GNAO1: variants seen among roughly 807,000 people sequenced by gnomAD.
GNAO1 encodes guanine nucleotide-binding protein G(o) subunit alpha.
For missense variants in GNAO1, 166 were observed against 478.7 expected, an observed-to-expected ratio of 0.35 and a Z score of 6.10; for synonymous variants, 164 against 180.7, an observed-to-expected ratio of 0.91 and a Z score of 0.74.
intron 2 of GNAO1, among the ~76,000 whole-genome samples, chr16:56,232,600 T>C (rs1407658938): frequency 6.6e-6 from 1 of 152,190 alleles, no homozygotes; most frequent in Non-Finnish European, 1.5e-5. Flanking sequence ...CAGAACTCTT[T>C]TTGCATGAAA....
intron 2 of GNAO1, among the ~76,000 whole-genome samples, chr16:56,248,109 C>T (rs1168010293): frequency 6.6e-6 from 1 of 152,216 alleles, no homozygotes. Flanking sequence ...CTTTAGACAA[C>T]ACTAAGAAAA....
chr16:56,349,583 G>T (rs753718210), intron 6 of GNAO1, among the ~76,000 whole-genome samples: 1 of 152,228 alleles, frequency 6.6e-6, no homozygotes, highest in Non-Finnish European at 1.5e-5. Context: ...AAATGCTCCT[G>T]GGGAATCAGA....
intron 6 of GNAO1, chr16:56,347,271 G>A: frequency 1.0e-6 from 1 of 985,456 alleles, no homozygotes; most frequent in Non-Finnish European, 1.2e-6. Context: ...ACCCAGACCT[G>A]AGGCTCCAGC....
intron 2 of GNAO1, chr16:56,193,906 ATGAT>A (rs2036205748): frequency 5.6e-6 from 2 of 358,598 alleles, no homozygotes; most frequent in African/African-American, 2.1e-5. Flanking sequence ...GTAAACAAAA[ATGAT>A]TATTTTTCAA....
intron 3 of GNAO1, chr16:56,307,028 A>G (rs2037403658): frequency 6.6e-6 from 1 of 152,194 alleles, no homozygotes; most frequent in African/African-American, 2.4e-5. Context: ...TTGGAGAGTG[A>G]GCTTTGGTCC....
intron 2 of GNAO1, among the ~76,000 whole-genome samples, chr16:56,234,402 G>C (rs2036618202): frequency 6.6e-6 from 1 of 152,254 alleles, no homozygotes; most frequent in Non-Finnish European, 1.5e-5. Flanking sequence ...TCTCCAAAGA[G>C]GGGATTGACA....
intron 6 of GNAO1, chr16:56,347,467 T>A (rs1219141334): frequency 1.0e-6 from 1 of 985,370 alleles, no homozygotes; most frequent in Non-Finnish European, 1.2e-6. Context: ...AGAAGAGTCC[T>A]GACCCCTGAC....
At chr16:56,197,646 T>C (rs7187893) in intron 2 of GNAO1, among the ~76,000 whole-genome samples, 19,314 of 152,234 alleles carry the variant, frequency 0.13, 1,555 homozygotes, top group African/African-American at 0.22. Flanking sequence ...CCAACATGGC[T>C]GGAAAAGAAT....
chr16:56,219,781 G>A (rs1263209266), intron 2 of GNAO1, among the ~76,000 whole-genome samples: 4 of 152,040 alleles, frequency 2.6e-5, no homozygotes, highest in African/African-American at 9.7e-5. Context: ...TGAAACCCCC[G>A]GCCTGCAAAA....
chr16:56,222,931 G>T (rs1015320436), intron 2 of GNAO1, among the ~76,000 whole-genome samples: 4 of 152,166 alleles, frequency 2.6e-5, no homozygotes, highest in Non-Finnish European at 5.9e-5. Flanking sequence ...GAGCTTTGCA[G>T]CGTGGTTGAG....
At chr16:56,287,257 G>A (rs2037182006) in intron 3 of GNAO1, among the ~76,000 whole-genome samples, 1 of 152,220 alleles carries the variant, frequency 6.6e-6, no homozygotes, top group South Asian at 2.1e-4. Flanking sequence ...CTTGGAGCCT[G>A]CCCCAGCCAG....
intron 2 of GNAO1, among the ~76,000 whole-genome samples, chr16:56,270,013 G>C (rs1294203375): frequency 6.6e-6 from 1 of 152,160 alleles, no homozygotes; most frequent in South Asian, 2.1e-4. Context: ...AGCAAAGGGA[G>C]CCCAAGTCCA....
intron 2 of GNAO1, among the ~76,000 whole-genome samples, chr16:56,247,866 T>C (rs2036764088): frequency 6.6e-6 from 1 of 152,214 alleles, no homozygotes; most frequent in South Asian, 2.1e-4. Flanking sequence ...TGATAAATAA[T>C]CCCTACATTA....
chr16:56,249,921 C>G (rs1307760036), intron 2 of GNAO1, among the ~76,000 whole-genome samples: 2 of 152,196 alleles, frequency 1.3e-5, no homozygotes, highest in African/African-American at 4.8e-5. Flanking sequence ...AAACCAATCA[C>G]TGGTTAGGGC....
chr16:56,333,654 T>C (rs2037713421), intron 4 of GNAO1, among the ~76,000 whole-genome samples: 1 of 152,278 alleles, frequency 6.6e-6, no homozygotes, highest in African/African-American at 2.4e-5. Context: ...CGAAGTCATC[T>C]GCCCTTTCCA....
At chr16:56,263,566 C>T (rs931254408) in intron 2 of GNAO1, among the ~76,000 whole-genome samples, 3 of 152,252 alleles carry the variant, frequency 2.0e-5, no homozygotes, top group East Asian at 3.9e-4. Flanking sequence ...AGGTGACATC[C>T]GAGCAGAGCC....
At chr16:56,313,854 T>G (rs2037482729) in intron 3 of GNAO1, among the ~76,000 whole-genome samples, 1 of 152,166 alleles carries the variant, frequency 6.6e-6, no homozygotes, top group African/African-American at 2.4e-5. Context: ...CCCCAGTAGC[T>G]GGGACTACAA....
At chr16:56,295,781 C>T (rs1430151382) in intron 3 of GNAO1, among the ~76,000 whole-genome samples, 1 of 152,258 alleles carries the variant, frequency 6.6e-6, no homozygotes, top group Non-Finnish European at 1.5e-5. Flanking sequence ...CCCAATATTC[C>T]ACCCTGTTTG....
intron 6 of GNAO1, chr16:56,344,932 G>A (rs2037848340): frequency 2.0e-6 from 2 of 985,366 alleles, no homozygotes; most frequent in African/African-American, 1.7e-5. Flanking sequence ...CACCGTCTTG[G>A]TGAAGAAATC....
Sources: allele counts gnomAD v4.1 joint callset (sites outside exome capture counted in the v4.1 genomes callset), GRCh38; gene constraint gnomAD v4.1.1; transcripts MANE v1.5; gene names NCBI Gene and HGNC (gene_info 2026-07-23, HGNC 2026-07-21).